Variants in TAF1 observed in about 807,000 individuals in gnomAD.
TAF1 encodes the protein TATA-box binding protein associated factor 1, also known as transcription initiation factor TFIID subunit 1.
Under a neutral mutation model 138.5 loss-of-function variants are expected in TAF1, and 2 were observed. The observed-to-expected ratio is 0.01, with a 90% CI of 0.01 to 0.05. The LOEUF is 0.05. TAF1 is among the 10% of genes least tolerant of loss of function. The pLI is 1.00. For synonymous variants in TAF1, 437 were observed against 503.2 expected (o/e 0.87, Z 1.76); for missense variants, 709 against 1,478.0 (o/e 0.48, Z 8.53).
intron 28 of TAF1, among the ~76,000 whole-genome samples, chrX:71,416,451 T>A (rs2036020346): frequency 9.6e-6 from 1 of 104,221 alleles, no homozygotes; most frequent in Non-Finnish European, 2.0e-5. Context: ...CCACTAGGGG[T>A]TGCTCTCTGC....
chrX:71,368,392 G>A (rs902841331), intron 3 of TAF1, among the ~76,000 whole-genome samples: 1 of 111,591 alleles, frequency 9.0e-6, no homozygotes. Flanking sequence ...TCCTCACACT[G>A]TTCAGTCATG....
intron 7 of TAF1, 92 bp downstream of exon 7, chrX:71,378,545 G>A: frequency 9.5e-7 from 1 of 1,054,780 alleles, no homozygotes; most frequent in South Asian, 2.2e-5. Flanking sequence ...GATACTGGGT[G>A]GTAGGGTTTC....
chrX:71,419,046 C>T (rs2036186645), intron 28 of TAF1, among the ~76,000 whole-genome samples: 1 of 111,453 alleles, frequency 9.0e-6, no homozygotes, highest in Non-Finnish European at 1.9e-5. Flanking sequence ...GGATTACAGG[C>T]GTGAGCCACC....
intron 3 of TAF1, among the ~76,000 whole-genome samples, chrX:71,370,305 C>T (rs889108207): frequency 1.8e-5 from 2 of 111,057 alleles, no homozygotes; most frequent in African/African-American, 6.5e-5. Flanking sequence ...GTCCATAGTT[C>T]ATTTTTGGCA....
chrX:71,408,662 G>A (rs1360923013), intron 28 of TAF1, among the ~76,000 whole-genome samples: 1 of 111,412 alleles, frequency 9.0e-6, no homozygotes, highest in Non-Finnish European at 1.9e-5. Context: ...TGGAGAATTT[G>A]GAGTCTATTC....
intron 20 of TAF1, 77 bp from the exon 21 acceptor site, chrX:71,393,224 T>TGTGTGTGTGTG: frequency 1.0e-6 from 1 of 959,671 alleles, no homozygotes. Context: ...CCTGAATGAT[T>TGTGTGTGTGTG]TGTGTGTGTG....
At chrX:71,373,612 A>T (rs918692674) in intron 3 of TAF1, among the ~76,000 whole-genome samples, 2 of 112,069 alleles carry the variant, frequency 1.8e-5, no homozygotes, top group African/African-American at 6.5e-5. Context: ...GATAAAGGAT[A>T]TTTCAGTGTT....
intron 23 of TAF1, among the ~76,000 whole-genome samples, chrX:71,397,980 C>T (rs1221569363): frequency 1.8e-5 from 2 of 111,911 alleles, no homozygotes; most frequent in African/African-American, 6.5e-5. Flanking sequence ...GTATTTGCCA[C>T]GAGATGAAGG....
intron 8 of TAF1, 66 bp from the exon 9 acceptor site, chrX:71,381,673 TGCCA>T: frequency 9.0e-7 from 1 of 1,114,128 alleles, no homozygotes; most frequent in Admixed American, 2.4e-5. Flanking sequence ...TTTTTATCTT[TGCCA>T]GAATCTTGAT....
At chrX:71,379,270 G>A (rs1198262901) in intron 8 of TAF1, among the ~76,000 whole-genome samples, 2 of 108,250 alleles carry the variant, frequency 1.8e-5, no homozygotes, top group Non-Finnish European at 3.8e-5. Context: ...CGTGCACCAC[G>A]ATGTCTGACT....
intron 26 of TAF1, among the ~76,000 whole-genome samples, chrX:71,407,248 C>G (rs773426292): frequency 1.1e-5 from 1 of 91,272 alleles, no homozygotes; most frequent in Non-Finnish European, 2.1e-5. Context: ...GACAGAGTCT[C>G]GCTCTGTTAC....
intron 24 of TAF1, among the ~76,000 whole-genome samples, chrX:71,399,106 AT>A (rs767771371): frequency 9.2e-6 from 1 of 109,239 alleles, no homozygotes; most frequent in South Asian, 4.0e-4. Context: ...CACCCAGATA[AT>A]TTTTGTATTT....
intron 13 of TAF1, among the ~76,000 whole-genome samples, chrX:71,511,008 C>T (rs1448456348): frequency 3.6e-5 from 4 of 110,641 alleles, no homozygotes; most frequent in Non-Finnish European, 5.7e-5. Context: ...GAGGCTGAGG[C>T]GGGAGAATTG....
chrX:71,494,772 G>T (rs1411317230), intron 13 of TAF1, among the ~76,000 whole-genome samples: 1 of 112,412 alleles, frequency 8.9e-6, no homozygotes, highest in African/African-American at 3.2e-5. Context: ...GGCCCAAACA[G>T]TGAGCAGCAG....
chrX:71,400,219 AG>A (rs1217202882), intron 24 of TAF1, among the ~76,000 whole-genome samples: 2 of 109,532 alleles, frequency 1.8e-5, no homozygotes, highest in Non-Finnish European at 3.8e-5. Context: ...CCTCCCGAGT[AG>A]CTGGGATTAC....
chrX:71,456,732 A>G (rs1036227289), intron 34 of TAF1, among the ~76,000 whole-genome samples: 13 of 85,189 alleles, frequency 1.5e-4, no homozygotes, highest in African/African-American at 5.3e-4. Flanking sequence ...CTGGAGTGCA[A>G]TGGCGCAATC....
chrX:71,385,024 C>A lies in TAF1; in HGVS notation c.2201C>A (p.Ser734Tyr). Residue 734 changes from serine (S) to tyrosine (Y), a missense_variant, in exon 14 of 38, where the codon TCT becomes TAT. This residue lies in a region of TAF1 where 201 missense variants were observed against 421.3 expected (regional missense o/e 0.48). Coordinates refer to ENST00000423759, the MANE Select transcript of TAF1 (RefSeq NM_004606.5). ...TGCCATACATCTCCTTTCCTGGGTT[C>A]TCTCCATCCTGGCCAATTGCTGCAA... ...VYCHTSPFLG[S>Y]LHPGQLLQAF... is the part of the protein sequence containing the mutation. 8.3e-7 allele frequency: 1 copy of A among 1,208,788 alleles called. No individual in the cohort carries two copies. Among genetic ancestry groups the A allele is most frequent in the Non-Finnish European group, 1.1e-6 (1 of 893,664 alleles).
intron 20 of TAF1, 75 bp from the exon 21 acceptor site, chrX:71,393,226 G>A (rs77971496): frequency 6.4e-6 from 2 of 314,213 alleles, no homozygotes; most frequent in Middle Eastern, 8.9e-4. Flanking sequence ...TGAATGATTT[G>A]TGTGTGTGTG....
At chrX:71,503,280 AT>A (rs1569408260) in intron 13 of TAF1, among the ~76,000 whole-genome samples, 12 of 86,537 alleles carry the variant, frequency 1.4e-4, no homozygotes, top group African/African-American at 6.4e-4. Context: ...AAAAAAAAAT[AT>A]ATATATATAT....
Sources: gnomAD v4.1 joint callset for allele counts (sites outside exome capture counted in the v4.1 genomes callset) on GRCh38, gnomAD v4.1.1 for gene constraint, gnomAD v4.1.1 regional missense constraint, MANE v1.5 for transcripts, NCBI Gene and HGNC (gene_info 2026-07-23, HGNC 2026-07-21) for gene names.